Variants in MTR observed in about 807,000 individuals in gnomAD.
The protein encoded by MTR is 5-methyltetrahydrofolate-homocysteine methyltransferase, also known as methionine synthase.
MTR carries 84 observed loss-of-function variants against 154.8 expected under a neutral mutation model. The observed-to-expected ratio is 0.54, with a 90% CI of 0.45 to 0.65. MTR has a LOEUF of 0.65. MTR is among the 30% of genes least tolerant of loss of function. The pLI is 0.00. For synonymous variants in MTR, 554 were observed against 553.9 expected (o/e 1.00, Z 0.00); for missense variants, 1,275 against 1,570.2 (o/e 0.81, Z 3.18).
chr1:236,867,157 G>A (rs1157570833), intron 22 of MTR, among the ~76,000 whole-genome samples: 1 of 152,192 alleles, frequency 6.6e-6, no homozygotes, highest in Non-Finnish European at 1.5e-5. Context: ...AGAAGTGAAT[G>A]CCTGGCTTCA....
chr1:236,849,538 G>A (rs893894529), intron 15 of MTR, among the ~76,000 whole-genome samples: 1 of 152,070 alleles, frequency 6.6e-6, no homozygotes, highest in African/African-American at 2.4e-5. Context: ...TTCTGGTAGT[G>A]GCAGCAATAA....
At chr1:236,847,292 A>G (rs1663636167) in intron 15 of MTR, among the ~76,000 whole-genome samples, 2 of 152,046 alleles carry the variant, frequency 1.3e-5, no homozygotes, top group African/African-American at 2.4e-5. Flanking sequence ...ACTTTAACTC[A>G]CCTCTGAAGT....
At chr1:236,830,980 A>C (rs1662577367) in intron 12 of MTR, among the ~76,000 whole-genome samples, 1 of 152,204 alleles carries the variant, frequency 6.6e-6, no homozygotes, top group Admixed American at 6.5e-5. Context: ...CAATGAAAGC[A>C]GTGATTATGG....
At chr1:236,871,131 A>G (rs1482356959) in intron 22 of MTR, among the ~76,000 whole-genome samples, 1 of 152,160 alleles carries the variant, frequency 6.6e-6, no homozygotes, top group Admixed American at 6.5e-5. Context: ...GAGCCCTTGT[A>G]GTGGTCTGCA....
chr1:236,838,719 T>G, intron 15 of MTR, 120 bp downstream of exon 15: 1 of 980,572 alleles, frequency 1.0e-6, no homozygotes. Flanking sequence ...TCTTTCCATA[T>G]ACATTCATGT....
At chr1:236,888,759 A>G (rs991770116) in intron 27 of MTR, among the ~76,000 whole-genome samples, 5 of 152,222 alleles carry the variant, frequency 3.3e-5, no homozygotes, top group African/African-American at 1.2e-4. Context: ...TCAGTAGACA[A>G]TCTAGATGAT....
intron 29 of MTR, 106 bp downstream of exon 29, chr1:236,891,435 T>C: frequency 8.6e-7 from 1 of 1,163,460 alleles, no homozygotes. Flanking sequence ...TCCTCCCAAA[T>C]GACCAATCAC....
intron 12 of MTR, among the ~76,000 whole-genome samples, chr1:236,831,433 C>G (rs538311636): frequency 1.3e-5 from 2 of 152,316 alleles, no homozygotes; most frequent in East Asian, 3.9e-4. Context: ...ACTCCTGTCT[C>G]TCAGGTCTCA....
Position 236,838,461 on chromosome 1 carries a change from G to C in MTR, c.1377G>C (p.Gly459=), listed in dbSNP as rs752390715. Residue 459 remains glycine (G), a synonymous_variant, in exon 15 of 33, where the codon GGG becomes GGC. Coordinates refer to ENST00000366577, the MANE Select transcript of MTR (RefSeq NM_000254.3). ...DSSNFAVIEA[G]LKCCQGKCIV... Reference sequence around the variant, plus strand: ...CCAATTTTGCTGTGATTGAAGCTGGGTTAAAGTGCTGCCAAGGGAAGTGCA... The same window carrying C: ...CCAATTTTGCTGTGATTGAAGCTGGCTTAAAGTGCTGCCAAGGGAAGTGCA... The C allele has an allele frequency of 2.5e-6, 4 of 1,614,130 alleles. No homozygotes were observed. The highest frequency in any genetic ancestry group is 3.4e-6 in the Non-Finnish European group (4 of 1,180,020).
intron 29 of MTR, among the ~76,000 whole-genome samples, 195 bp from the exon 30 acceptor site, chr1:236,894,162 A>G (rs1265083494): frequency 6.6e-6 from 1 of 152,216 alleles, no homozygotes; most frequent in Non-Finnish European, 1.5e-5. Flanking sequence ...TATCTTACAA[A>G]TATTTATTGG....
Position 236,888,012 on chromosome 1 carries a change from A to G in MTR, c.2852-1169A>G, listed in dbSNP as rs1168731202. On this transcript the variant is annotated intron_variant, in intron 27 of 32. Coordinates refer to ENST00000366577, the MANE Select transcript of MTR (RefSeq NM_000254.3). ...CAAACCAACATAATAGGATATTTCCAAAGAAGGGATTGTCCCGTGTAGTAG... is the reference window on the plus strand; with the variant it reads ...CAAACCAACATAATAGGATATTTCCGAAGAAGGGATTGTCCCGTGTAGTAG... Among the ~76,000 whole-genome samples the G allele has an allele frequency of 2.6e-5, 4 of 152,252 alleles. No individual in the cohort carries two copies. The East Asian group carries it at 7.7e-4, about 29-fold the overall frequency.
chr1:236,841,063 A>G (rs1457886137), intron 15 of MTR, among the ~76,000 whole-genome samples: 1 of 152,178 alleles, frequency 6.6e-6, no homozygotes, highest in African/African-American at 2.4e-5. Context: ...AAAAGCCTTC[A>G]GCCTTCTAGA....
intron 4 of MTR, 87 bp from the exon 5 acceptor site, chr1:236,810,416 C>T: frequency 2.7e-6 from 3 of 1,095,086 alleles, no homozygotes; most frequent in Non-Finnish European, 4.2e-6. Context: ...GACCTGTGTT[C>T]CAGAAAAAAA....
intron 18 of MTR, among the ~76,000 whole-genome samples, chr1:236,856,607 A>T (rs555469560): frequency 1.3e-5 from 2 of 151,474 alleles, no homozygotes; most frequent in Non-Finnish European, 2.9e-5. Flanking sequence ...AGGTATACAC[A>T]TGCTATGGTG....
intron 25 of MTR, among the ~76,000 whole-genome samples, chr1:236,883,802 C>T (rs1258600613): frequency 6.6e-6 from 1 of 152,118 alleles, no homozygotes; most frequent in Non-Finnish European, 1.5e-5. Flanking sequence ...TTAGAAAACC[C>T]ACATAGAGTT....
At chr1:236,889,444 C>T (rs935853786) in intron 28 of MTR, 108 bp downstream of exon 28, 12 of 1,476,266 alleles carry the variant, frequency 8.1e-6, no homozygotes, top group Middle Eastern at 4.1e-4. Context: ...GTGCAGATTA[C>T]GGCTGCTTTC....
chr1:236,822,242 T>C (rs1662001717), intron 8 of MTR, among the ~76,000 whole-genome samples: 2 of 151,960 alleles, frequency 1.3e-5, no homozygotes, highest in Admixed American at 1.3e-4. Flanking sequence ...ATTTTATAGT[T>C]TTTTTCATAT....
At chr1:236,864,212 G>A (rs1305520583) in intron 22 of MTR, among the ~76,000 whole-genome samples, 1 of 152,180 alleles carries the variant, frequency 6.6e-6, no homozygotes, top group Non-Finnish European at 1.5e-5. Flanking sequence ...TGGAAATAAT[G>A]CTTTCCCATA....
intron 25 of MTR, among the ~76,000 whole-genome samples, chr1:236,883,279 G>A (rs184855377): frequency 6.6e-6 from 1 of 152,302 alleles, no homozygotes; most frequent in East Asian, 1.9e-4. Context: ...TTTGGTGGAA[G>A]GATCATGTAG....
Sources: gnomAD v4.1 joint callset for allele counts (sites outside exome capture counted in the v4.1 genomes callset) on GRCh38, gnomAD v4.1.1 for gene constraint, MANE v1.5 for transcripts, NCBI Gene and HGNC (gene_info 2026-07-23, HGNC 2026-07-21) for gene names.